The following ZNF385D variants were observed in gnomAD, a reference collection of about 807,000 sequenced individuals.
The protein encoded by ZNF385D is zinc finger protein 659.
Under a neutral mutation model 35.8 loss-of-function variants are expected in ZNF385D, and 15 were observed. That is an observed-to-expected ratio of 0.42 (90% CI 0.28 to 0.64). The LOEUF is 0.64. ZNF385D is among the 30% of genes least tolerant of loss of function. ZNF385D has a pLI of 0.23. For missense variants in ZNF385D, 474 were observed against 494.6 expected (o/e 0.96, Z 0.39); for synonymous variants, 212 against 186.8 (o/e 1.13, Z -1.10).
At chr3:21,470,055 G>C (rs568159423) in intron 4 of ZNF385D, among the ~76,000 whole-genome samples, 68 of 152,284 alleles carry the variant, frequency 4.5e-4, no homozygotes, top group Middle Eastern at 3.4e-3. Flanking sequence ...TAAGCACTTT[G>C]CTTACTGTGT....
intron 3 of ZNF385D, among the ~76,000 whole-genome samples, chr3:22,126,162 G>T (rs143481077): frequency 6.6e-6 from 1 of 151,792 alleles, no homozygotes; most frequent in Non-Finnish European, 1.5e-5. Flanking sequence ...AGCATCAATC[G>T]AAATGATTAT....
At chr3:22,293,846 C>G (rs987501328) in intron 2 of ZNF385D, among the ~76,000 whole-genome samples, 14 of 152,200 alleles carry the variant, frequency 9.2e-5, no homozygotes, top group African/African-American at 3.4e-4. Context: ...GTGATCTGTT[C>G]CTGCAATCCC....
chr3:21,436,280 T>C (rs1192327031), intron 5 of ZNF385D, among the ~76,000 whole-genome samples: 1 of 152,142 alleles, frequency 6.6e-6, no homozygotes, highest in African/African-American at 2.4e-5. Flanking sequence ...TATTCCAGTA[T>C]TTTCCTCCCT....
intron 1 of ZNF385D, among the ~76,000 whole-genome samples, chr3:21,730,624 A>G (rs902276597): frequency 2.6e-5 from 4 of 152,210 alleles, no homozygotes; most frequent in Non-Finnish European, 5.9e-5. Flanking sequence ...GGCACATTCT[A>G]TCTGCACAAA....
intron 3 of ZNF385D, among the ~76,000 whole-genome samples, chr3:21,849,901 T>A (rs1385436139): frequency 6.6e-6 from 1 of 151,860 alleles, no homozygotes; most frequent in Non-Finnish European, 1.5e-5. Flanking sequence ...TTGCACCACA[T>A]CCAGCAAATT....
intron 1 of ZNF385D, among the ~76,000 whole-genome samples, chr3:21,702,959 C>G (rs560127654): frequency 2.6e-5 from 4 of 152,186 alleles, no homozygotes; most frequent in Admixed American, 2.0e-4. Flanking sequence ...AACTTTCCTA[C>G]TTTTCTATAT....
intron 3 of ZNF385D, among the ~76,000 whole-genome samples, chr3:21,848,917 C>A (rs1696194338): frequency 6.6e-6 from 1 of 152,090 alleles, no homozygotes; most frequent in African/African-American, 2.4e-5. Context: ...AGTCTTCTAT[C>A]TTAGAACATA....
chr3:22,282,378 C>G (rs1701797573), intron 2 of ZNF385D, among the ~76,000 whole-genome samples: 1 of 152,078 alleles, frequency 6.6e-6, no homozygotes, highest in African/African-American at 2.4e-5. Context: ...ACACTATGAA[C>G]TTTCCTCTTA....
At chr3:21,602,572 C>T (rs2064340780) in intron 2 of ZNF385D, among the ~76,000 whole-genome samples, 1 of 118,376 alleles carries the variant, frequency 8.4e-6, no homozygotes, top group Non-Finnish European at 1.6e-5. Context: ...GTCGCCCAGG[C>T]CGGACTGCGG....
intron 3 of ZNF385D, among the ~76,000 whole-genome samples, chr3:21,760,115 C>T (rs950963830): frequency 6.6e-6 from 1 of 152,142 alleles, no homozygotes; most frequent in East Asian, 1.9e-4. Flanking sequence ...CTCTCAATCT[C>T]GTCTTTGCTA....
At chr3:21,443,525 T>C (rs1311523838) in intron 4 of ZNF385D, among the ~76,000 whole-genome samples, 1 of 152,158 alleles carries the variant, frequency 6.6e-6, no homozygotes. Context: ...GACTCTAATA[T>C]AAGAGTGGAG....
chr3:22,125,666 G>A lies in ZNF385D; in HGVS notation c.325+43151C>T, dbSNP rs73142970. Among the ~76,000 whole-genome samples the A allele has an allele frequency of 5.6e-3, 847 of 151,910 alleles. 10 individuals are homozygous for A. Among genetic ancestry groups the A allele is most frequent in the African/African-American group, 0.02 (819 of 41,450 alleles). Reference sequence around the variant, plus strand: ...ACATTTTTGGTTAAGTTTATTATCAGGTATTTTATTGGTAGCCATTATAAA... The same window carrying A: ...ACATTTTTGGTTAAGTTTATTATCAAGTATTTTATTGGTAGCCATTATAAA... On this transcript the variant is annotated intron_variant, in intron 3 of 5. Coordinates refer to the ZNF385D transcript ENST00000494108.
chr3:22,228,049 A>T (rs116832033), intron 2 of ZNF385D, among the ~76,000 whole-genome samples: 4 of 152,252 alleles, frequency 2.6e-5, no homozygotes, highest in Non-Finnish European at 5.9e-5. Flanking sequence ...CATCATCCCA[A>T]CTATGAAGGG....
intron 3 of ZNF385D, among the ~76,000 whole-genome samples, chr3:21,814,569 A>T (rs751380790): frequency 3.3e-5 from 5 of 152,200 alleles, no homozygotes; most frequent in Non-Finnish European, 7.3e-5. Context: ...ACCAACAAAG[A>T]TCAAAAGAGA....
intron 3 of ZNF385D, among the ~76,000 whole-genome samples, chr3:22,110,627 A>G: frequency 1.4e-5 from 2 of 144,618 alleles, no homozygotes; most frequent in African/African-American, 2.5e-5. Context: ...ATCACACTCC[A>G]GGGCCTGTTG....
chr3:22,287,184 AG>A (rs1413405934), intron 2 of ZNF385D, among the ~76,000 whole-genome samples: 1 of 151,970 alleles, frequency 6.6e-6, no homozygotes, highest in Admixed American at 6.6e-5. Context: ...GTCTAATATA[AG>A]TATAGCTACC....
rs541072697 is a variant in ZNF385D, at chr3:21,730,179, A to G, written c.22+20716T>C. ...CAAGAAGTTGGAGTGAAACTGAACA[A>G]CCTGACCACAGAGCATAGGATCAAA... On this transcript the variant is annotated intron_variant, in intron 1 of 7. Coordinates refer to ENST00000281523, the MANE Select transcript of ZNF385D (RefSeq NM_024697.3). 3.3e-5 allele frequency among the ~76,000 whole-genome samples: 5 copies of G among 152,294 alleles called. No homozygotes were observed. In the South Asian group the frequency reaches 1.0e-3, roughly 32 times the overall value.
At chr3:21,441,671 T>A (rs1701866662) in intron 4 of ZNF385D, 1 of 984,992 alleles carries the variant, frequency 1.0e-6, no homozygotes, top group Non-Finnish European at 1.2e-6. Flanking sequence ...GGAAAACCTA[T>A]AGCTCTCAAC....
In ZNF385D at chr3:22,013,624, T is replaced by C. The variant is rs530393518; in HGVS notation, c.325+155193A>G. On this transcript the variant is annotated intron_variant, in intron 3 of 5. Coordinates refer to the ZNF385D transcript ENST00000494108. Reference sequence around the variant, plus strand: ...AATCAAGTCGACCACTAGGATTAGGTAGAAACTTAATTAAGAAGGTGATTA... The same window carrying C: ...AATCAAGTCGACCACTAGGATTAGGCAGAAACTTAATTAAGAAGGTGATTA... Among the ~76,000 whole-genome samples the C allele has an allele frequency of 3.3e-5, 5 of 152,200 alleles. No individual in the cohort carries two copies. In the East Asian group the frequency reaches 9.7e-4, roughly 29 times the overall value.
Sources: allele counts gnomAD v4.1 joint callset (sites outside exome capture counted in the v4.1 genomes callset), GRCh38; gene constraint gnomAD v4.1.1; transcripts MANE v1.5; gene names NCBI Gene and HGNC (gene_info 2026-07-23, HGNC 2026-07-21).